Variants in HAO1 observed in about 807,000 individuals in gnomAD.
HAO1 encodes the protein hydroxyacid oxidase 1.
In HAO1, 34 loss-of-function variants were observed where a neutral mutation model predicts 39.7. The ratio of observed to expected loss-of-function variants is 0.86; its 90% CI spans 0.65 to 1.14. The LOEUF is 1.14. HAO1 is among the 50% of genes most tolerant of loss of function. The pLI, the probability that HAO1 is intolerant of heterozygous loss-of-function variation, is 0.00. For synonymous variants in HAO1, 172 were observed against 173.2 expected (o/e 0.99, Z 0.05); for missense variants, 479 against 464.5 (o/e 1.03, Z -0.29).
intron 2 of HAO1, among the ~76,000 whole-genome samples, chr20:7,931,679 C>G (rs2050386335): frequency 6.6e-6 from 1 of 152,010 alleles, no homozygotes; most frequent in Non-Finnish European, 1.5e-5. Flanking sequence ...CATTTAATAT[C>G]TTCTTATGGT....
At chr20:7,903,756 A>AATGGGAGTGGTGATAATGGTG (rs1568512859) in intron 4 of HAO1, among the ~76,000 whole-genome samples, 3 of 137,348 alleles carry the variant, frequency 2.2e-5, no homozygotes, top group South Asian at 2.4e-4. Context: ...TCATGGTGGT[A>AATGGGAGTGGTGATAATGGTG]ATGGGAGTGG....
intron 2 of HAO1, 107 bp from the exon 3 acceptor site, chr20:7,914,526 T>A: frequency 8.3e-7 from 1 of 1,198,178 alleles, no homozygotes; most frequent in South Asian, 1.5e-5. Context: ...AATTTGGCAA[T>A]ATGAAGTCAA....
chr20:7,895,930 G>T (rs576284474), intron 4 of HAO1, among the ~76,000 whole-genome samples: 79 of 152,078 alleles, frequency 5.2e-4, no homozygotes, highest in African/African-American at 1.9e-3. Flanking sequence ...CCAGGCCTCA[G>T]GCCTATTGGC....
chr20:7,894,341 G>A (rs2050187300), intron 5 of HAO1, among the ~76,000 whole-genome samples: 1 of 152,096 alleles, frequency 6.6e-6, no homozygotes, highest in South Asian at 2.1e-4. Flanking sequence ...CACCTTTCAG[G>A]ACAGTTTAGT....
chr20:7,898,759 T>C (rs943035296), intron 4 of HAO1, among the ~76,000 whole-genome samples: 15 of 152,286 alleles, frequency 9.8e-5, no homozygotes, highest in African/African-American at 3.6e-4. Flanking sequence ...AGCTGTCATA[T>C]TGCACAGCTC....
chr20:7,912,372 G>C (rs1213059283), intron 3 of HAO1, among the ~76,000 whole-genome samples: 1 of 151,906 alleles, frequency 6.6e-6, no homozygotes, highest in Admixed American at 6.6e-5. Context: ...ACATATTTTG[G>C]TATCCAGAAC....
chr20:7,883,610 C>G lies in HAO1; in HGVS notation c.1096G>C (p.Ala366Pro), dbSNP rs140878413. 7 of 1,612,756 alleles carry G rather than the reference C, an allele frequency of 4.3e-6. No homozygotes were observed. In the African/African-American group the frequency reaches 9.4e-5, roughly 22 times the overall value. Residue 366 changes from alanine (A) to proline (P), a missense_variant, in exon 8 of 8, where the codon GCC becomes CCC. Ala to Pro is a conservative substitution (Grantham distance 27, BLOSUM62 -1). Transcript: ENST00000378789. ...GTGCACTGTCAGATCTTGGAAACGG[C>G]CAAAGGATTTTTCCTCACCAATGTC... ...DKTLVRKNPLAVSKI is the reference protein window; with the variant it reads ...DKTLVRKNPLPVSKI
intron 4 of HAO1, among the ~76,000 whole-genome samples, chr20:7,898,638 G>T (rs528176247): frequency 6.6e-6 from 1 of 152,196 alleles, no homozygotes; most frequent in South Asian, 2.1e-4. Context: ...CTAGATCTGT[G>T]CACTTCCATC....
chr20:7,914,934 C>T (rs991869324), intron 2 of HAO1, among the ~76,000 whole-genome samples: 7 of 152,066 alleles, frequency 4.6e-5, no homozygotes, highest in African/African-American at 1.7e-4. Context: ...GCCTGACCAA[C>T]GTGGTGAAAC....
In HAO1 at chr20:7,894,178, C is replaced by T. The variant is rs140964890; in HGVS notation, c.813+955G>A. Among the ~76,000 whole-genome samples the T allele has an allele frequency of 9.2e-5, 14 of 152,258 alleles. No individual in the cohort carries two copies. The East Asian group carries it at 2.7e-3, about 29-fold the overall frequency. On this transcript the variant is annotated intron_variant, in intron 5 of 7. Transcript: ENST00000378789. ...CTGGATCATGGATCCATAAAATCCACCCCAGGAAATGTGTCCCTCTCCATG... is the reference window on the plus strand; with the variant it reads ...CTGGATCATGGATCCATAAAATCCATCCCAGGAAATGTGTCCCTCTCCATG...
At chr20:7,889,495 T>G (rs995680413) in intron 5 of HAO1, among the ~76,000 whole-genome samples, 3 of 152,240 alleles carry the variant, frequency 2.0e-5, no homozygotes, top group Non-Finnish European at 4.4e-5. Context: ...AAATCCAATC[T>G]GGATCACATT....
intron 2 of HAO1, among the ~76,000 whole-genome samples, chr20:7,914,930 C>T (rs769122893): frequency 1.6e-3 from 238 of 152,156 alleles, no homozygotes; most frequent in Non-Finnish European, 3.0e-3. Flanking sequence ...ACCAGCCTGA[C>T]CAACGTGGTG....
chr20:7,937,576 G>GA (rs1376552580), intron 1 of HAO1, among the ~76,000 whole-genome samples: 1 of 152,110 alleles, frequency 6.6e-6, no homozygotes, highest in East Asian at 1.9e-4. Context: ...TAACGCAGCA[G>GA]AAAAGAGTTT....
intron 7 of HAO1, 115 bp from the exon 8 acceptor site, chr20:7,883,778 G>T: frequency 1.1e-6 from 1 of 898,482 alleles, no homozygotes. Context: ...ATTCAAGGTA[G>T]GCTTGCCAAA....
At chr20:7,885,645 T>G in intron 6 of HAO1, 55 bp from the exon 7 acceptor site, 1 of 1,567,060 alleles carries the variant, frequency 6.4e-7, no homozygotes, top group Non-Finnish European at 8.8e-7. Context: ...CTGACTTGTT[T>G]TATTCATTTG....
chr20:7,894,119 G>A (rs1194117940), intron 5 of HAO1, among the ~76,000 whole-genome samples: 1 of 152,164 alleles, frequency 6.6e-6, no homozygotes, highest in Non-Finnish European at 1.5e-5. Flanking sequence ...GGAACCACTT[G>A]ATAGCACCCC....
intron 2 of HAO1, among the ~76,000 whole-genome samples, chr20:7,923,608 C>G (rs2050344687): frequency 6.6e-6 from 1 of 152,162 alleles, no homozygotes. Flanking sequence ...CAATATCCAT[C>G]TACATCTAAT....
chr20:7,928,891 G>T (rs1389240499), intron 2 of HAO1, among the ~76,000 whole-genome samples: 2 of 152,228 alleles, frequency 1.3e-5, no homozygotes, highest in East Asian at 1.9e-4. Flanking sequence ...AAAACCAGGA[G>T]ATTGTACATA....
chr20:7,884,638 T>G (rs774468656), intron 7 of HAO1, among the ~76,000 whole-genome samples: 2 of 152,080 alleles, frequency 1.3e-5, no homozygotes, highest in Non-Finnish European at 2.9e-5. Flanking sequence ...TCTCACATAG[T>G]CAAGGGACAT....
Sources: gnomAD v4.1 joint callset for allele counts (sites outside exome capture counted in the v4.1 genomes callset) on GRCh38, gnomAD v4.1.1 for gene constraint, MANE v1.5 for transcripts, NCBI Gene and HGNC (gene_info 2026-07-23, HGNC 2026-07-21) for gene names.